The following PTPRD variants were observed in gnomAD, a reference collection of about 807,000 sequenced individuals.
PTPRD encodes protein tyrosine phosphatase receptor type D.
PTPRD carries 34 observed loss-of-function variants against 214.5 expected under a neutral mutation model. That is an observed-to-expected ratio of 0.16 (90% CI 0.12 to 0.21). PTPRD has a LOEUF of 0.21. Ranked by LOEUF, PTPRD falls within the 10% of genes least tolerant of loss-of-function variation. The pLI is 1.00. For missense variants in PTPRD, 2,545 were observed against 2,398.7 expected (o/e 1.06, Z -1.27); for synonymous variants, 1,128 against 845.7 (o/e 1.33, Z -5.79).
chr9:9,244,482 A>T (rs1282312607), intron 9 of PTPRD, among the ~76,000 whole-genome samples: 1 of 152,140 alleles, frequency 6.6e-6, no homozygotes, highest in Non-Finnish European at 1.5e-5. Flanking sequence ...AAATAATGCC[A>T]CACATCTACA....
intron 7 of PTPRD, among the ~76,000 whole-genome samples, chr9:9,662,366 G>T (rs1594596812): frequency 6.6e-6 from 1 of 151,714 alleles, no homozygotes; most frequent in African/African-American, 2.4e-5. Flanking sequence ...TTTCCTGAAG[G>T]AATGTAATCA....
chr9:8,791,523 CTTTTTTTT>C (rs34501354), intron 11 of PTPRD, among the ~76,000 whole-genome samples: 2 of 86,700 alleles, frequency 2.3e-5, no homozygotes, highest in African/African-American at 8.5e-5. Context: ...CATGCCCAGA[CTTTTTTTT>C]TTTTTTTTTT....
In PTPRD at chr9:9,746,199, G is replaced by C. The variant is rs143584102; in HGVS notation, c.-325-11628C>G. On this transcript the variant is annotated intron_variant, in intron 6 of 45. Coordinates refer to ENST00000381196, the MANE Select transcript of PTPRD (RefSeq NM_002839.4). Reference sequence around the variant, plus strand: ...AGATTATTCTTAAGAGGTATGTTGTGATCTTAAAGGGTAAGCTAAGCACAT... The same window carrying C: ...AGATTATTCTTAAGAGGTATGTTGTCATCTTAAAGGGTAAGCTAAGCACAT... 2.0e-5 allele frequency among the ~76,000 whole-genome samples: 3 copies of C among 152,140 alleles called. No individual in the cohort carries two copies. In the East Asian group the frequency reaches 5.8e-4, roughly 29 times the overall value.
At chr9:8,396,801 G>C (rs1281424939) in intron 36 of PTPRD, among the ~76,000 whole-genome samples, 1 of 152,120 alleles carries the variant, frequency 6.6e-6, no homozygotes, top group Non-Finnish European at 1.5e-5. Context: ...ACAGCTCTTA[G>C]AAAGACTGCA....
chr9:8,699,926 T>A (rs1326545992), intron 12 of PTPRD, among the ~76,000 whole-genome samples: 1 of 152,226 alleles, frequency 6.6e-6, no homozygotes, highest in African/African-American at 2.4e-5. Flanking sequence ...CTGATTGATT[T>A]AACCATTTTT....
intron 11 of PTPRD, among the ~76,000 whole-genome samples, chr9:8,954,403 C>T (rs1244415656): frequency 1.3e-5 from 2 of 151,740 alleles, no homozygotes; most frequent in Admixed American, 1.3e-4. Flanking sequence ...ATGCTTACTA[C>T]CTGGGTTACA....
intron 5 of PTPRD, among the ~76,000 whole-genome samples, chr9:9,898,105 G>C (rs1003066933): frequency 1.3e-5 from 2 of 152,008 alleles, no homozygotes; most frequent in African/African-American, 4.8e-5. Flanking sequence ...AGGAATGCCT[G>C]TTTTCTCCTG....
chr9:9,372,622 T>G (rs2059828930), intron 9 of PTPRD, among the ~76,000 whole-genome samples: 1 of 152,188 alleles, frequency 6.6e-6, no homozygotes, highest in Non-Finnish European at 1.5e-5. Context: ...CGTTTAAGGT[T>G]AATATTGTTA....
chr9:9,509,678 T>G (rs1372396245), intron 8 of PTPRD, among the ~76,000 whole-genome samples: 3 of 151,630 alleles, frequency 2.0e-5, no homozygotes, highest in African/African-American at 7.3e-5. Context: ...AAAGCCGTAT[T>G]CCTTGGCTAT....
chr9:9,817,735 A>G (rs1192631074), intron 5 of PTPRD, among the ~76,000 whole-genome samples: 1 of 152,212 alleles, frequency 6.6e-6, no homozygotes, highest in East Asian at 1.9e-4. Context: ...AACAAAGAGG[A>G]TAACTGTCCT....
intron 11 of PTPRD, among the ~76,000 whole-genome samples, chr9:9,008,274 G>T (rs920622373): frequency 7.0e-6 from 1 of 142,702 alleles, no homozygotes; most frequent in Non-Finnish European, 1.5e-5. Flanking sequence ...TGTTGCCCAG[G>T]CTGGAGTCCA....
Position 8,431,370 on chromosome 9 carries a change from T to C in PTPRD, c.4086+5222A>G, listed in dbSNP as rs185813622. On this transcript the variant is annotated intron_variant, in intron 35 of 45. Transcript: ENST00000381196. ...ACAAAGATGAAAGCTCCAGAGAAGA[T>C]ATCAGGAAATTGCCACAGCCCTTCA... is the stretch of plus-strand genomic sequence containing the variant. 2.2e-3 allele frequency among the ~76,000 whole-genome samples: 337 copies of C among 152,260 alleles called. 1 individual carries two copies. Among genetic ancestry groups the C allele is most frequent in the Non-Finnish European group, 3.9e-3 (265 of 68,004 alleles).
chr9:10,412,347 T>C (rs897774737), intron 2 of PTPRD, among the ~76,000 whole-genome samples: 1 of 151,734 alleles, frequency 6.6e-6, no homozygotes, highest in African/African-American at 2.4e-5. Flanking sequence ...ACACTCACCC[T>C]TCTAAGACTG....
intron 14 of PTPRD, among the ~76,000 whole-genome samples, chr9:8,553,655 C>G (rs900000371): frequency 4.6e-5 from 7 of 152,160 alleles, no homozygotes; most frequent in Admixed American, 3.9e-4. Flanking sequence ...AATGTATGCT[C>G]TCATCGCTTC....
chr9:9,616,993 C>T (rs747897581), intron 7 of PTPRD, among the ~76,000 whole-genome samples: 1 of 152,106 alleles, frequency 6.6e-6, no homozygotes, highest in Admixed American at 6.5e-5. Flanking sequence ...TCTTAAAATT[C>T]CTTCCTGTAT....
intron 8 of PTPRD, among the ~76,000 whole-genome samples, chr9:9,403,290 CAAAA>C (rs56105335): frequency 3.3e-5 from 2 of 60,660 alleles, no homozygotes; most frequent in Non-Finnish European, 5.5e-5. Context: ...TACTCTGTCT[CAAAA>C]AAAAAAAAAA....
chr9:9,757,958 C>G (rs892373713), intron 6 of PTPRD, among the ~76,000 whole-genome samples: 1 of 151,970 alleles, frequency 6.6e-6, no homozygotes, highest in Non-Finnish European at 1.5e-5. Context: ...AATCTCTGAT[C>G]TAAGTCATAA....
chr9:9,188,571 G>A (rs2099933118), intron 9 of PTPRD, among the ~76,000 whole-genome samples: 1 of 152,078 alleles, frequency 6.6e-6, no homozygotes, highest in Admixed American at 6.6e-5. Flanking sequence ...TGAAAGAGGA[G>A]AGAGGGAGTG....
At chr9:10,163,139 G>A (rs1489452697) in intron 3 of PTPRD, among the ~76,000 whole-genome samples, 1 of 148,810 alleles carries the variant, frequency 6.7e-6, no homozygotes, top group South Asian at 2.1e-4. Flanking sequence ...TTATTCTACT[G>A]AGTGTCATTG....
Sources: allele counts gnomAD v4.1 joint callset (sites outside exome capture counted in the v4.1 genomes callset), GRCh38; gene constraint gnomAD v4.1.1; transcripts MANE v1.5; gene names NCBI Gene and HGNC (gene_info 2026-07-23, HGNC 2026-07-21).